The following HCN1 variants were observed in gnomAD, a reference collection of about 807,000 sequenced individuals.
HCN1 encodes potassium/sodium hyperpolarization-activated cyclic nucleotide-gated channel 1.
In HCN1, 13 loss-of-function variants were observed where a neutral mutation model predicts 78.9. The ratio of observed to expected loss-of-function variants is 0.16; its 90% CI spans 0.11 to 0.26. The LOEUF (loss-of-function observed/expected upper bound fraction) is 0.26, where lower values mean the gene tolerates loss of function less well. Among genes scored for constraint, HCN1 ranks in the 10% least tolerant of loss-of-function variants. The pLI is 1.00. For missense variants in HCN1, 810 were observed against 1,154.3 expected (o/e 0.70, Z 4.32); for synonymous variants, 552 against 455.5 (o/e 1.21, Z -2.70).
At chr5:45,474,060 T>A (rs1245568663) in intron 2 of HCN1, among the ~76,000 whole-genome samples, 1 of 151,834 alleles carries the variant, frequency 6.6e-6, no homozygotes, top group Non-Finnish European at 1.5e-5. Context: ...CCTCAAAATG[T>A]TCACTCTCAG....
chr5:45,614,911 CATT>C (rs1365040705), intron 2 of HCN1, among the ~76,000 whole-genome samples: 1 of 150,734 alleles, frequency 6.6e-6, no homozygotes, highest in Non-Finnish European at 1.5e-5. Context: ...TCTATTGGTT[CATT>C]TAGTTGGAAA....
chr5:45,633,881 A>G (rs1745313026), intron 2 of HCN1, among the ~76,000 whole-genome samples: 1 of 151,970 alleles, frequency 6.6e-6, no homozygotes, highest in Non-Finnish European at 1.5e-5. Context: ...TGTGCTCACT[A>G]AAAATTTTTT....
chr5:45,522,445 C>T (rs1742633927), intron 2 of HCN1, among the ~76,000 whole-genome samples: 1 of 152,008 alleles, frequency 6.6e-6, no homozygotes, highest in Admixed American at 6.6e-5. Flanking sequence ...CCCTCAGCAT[C>T]AATCTCAACA....
intron 1 of HCN1, among the ~76,000 whole-genome samples, chr5:45,654,722 A>G (rs1036945673): frequency 6.6e-6 from 1 of 152,146 alleles, no homozygotes; most frequent in African/African-American, 2.4e-5. Context: ...ACTGTGAGTT[A>G]CAGACAGTTT....
chr5:45,315,482 C>T (rs1245273361), intron 5 of HCN1, among the ~76,000 whole-genome samples: 1 of 152,032 alleles, frequency 6.6e-6, no homozygotes, highest in Non-Finnish European at 1.5e-5. Flanking sequence ...AAAATTGACA[C>T]CCTAACATCA....
chr5:45,389,490 C>T (rs1019408197), intron 4 of HCN1, among the ~76,000 whole-genome samples: 41 of 152,118 alleles, frequency 2.7e-4, no homozygotes, highest in African/African-American at 9.9e-4. Context: ...CCTAACCCCA[C>T]CCACTATATT....
At chr5:45,543,845 G>T (rs1743152306) in intron 2 of HCN1, among the ~76,000 whole-genome samples, 1 of 151,982 alleles carries the variant, frequency 6.6e-6, no homozygotes, top group African/African-American at 2.4e-5. Flanking sequence ...TAGAGATACT[G>T]CATATTATGC....
At chr5:45,630,531 T>C (rs1429977823) in intron 2 of HCN1, among the ~76,000 whole-genome samples, 1 of 152,196 alleles carries the variant, frequency 6.6e-6, no homozygotes, top group African/African-American at 2.4e-5. Context: ...TTCAAAGATT[T>C]CTTATTGTCC....
intron 1 of HCN1, among the ~76,000 whole-genome samples, chr5:45,682,023 G>A (rs977416875): frequency 6.6e-6 from 1 of 151,830 alleles, no homozygotes; most frequent in Non-Finnish European, 1.5e-5. Flanking sequence ...CTTCATGAAT[G>A]GGTTTGGTGC....
chr5:45,398,143 C>T (rs1739720384), intron 3 of HCN1, among the ~76,000 whole-genome samples: 1 of 151,870 alleles, frequency 6.6e-6, no homozygotes, highest in African/African-American at 2.4e-5. Context: ...TTTCATAGAA[C>T]AACTTTTCAA....
chr5:45,437,790 A>G (rs1443069488), intron 3 of HCN1, among the ~76,000 whole-genome samples: 1 of 152,228 alleles, frequency 6.6e-6, no homozygotes, highest in East Asian at 1.9e-4. Flanking sequence ...AGAATACTTT[A>G]TTATTTCTTA....
intron 4 of HCN1, among the ~76,000 whole-genome samples, chr5:45,353,601 ATTGT>A (rs1376412704): frequency 6.6e-6 from 1 of 151,968 alleles, no homozygotes; most frequent in African/African-American, 2.4e-5. Flanking sequence ...GAAGTATGAA[ATTGT>A]TTGGCTGTCG....
intron 5 of HCN1, among the ~76,000 whole-genome samples, chr5:45,307,325 C>T (rs1163229461): frequency 2.0e-5 from 3 of 152,014 alleles, no homozygotes; most frequent in African/African-American, 7.2e-5. Flanking sequence ...AGAATAATTA[C>T]CAAACCCTTA....
intron 2 of HCN1, among the ~76,000 whole-genome samples, chr5:45,495,530 A>G (rs1165109088): frequency 6.6e-6 from 1 of 152,118 alleles, no homozygotes; most frequent in Admixed American, 6.5e-5. Context: ...TAGATATACA[A>G]TCACGTCGTC....
intron 6 of HCN1, among the ~76,000 whole-genome samples, chr5:45,291,496 T>C (rs577071662): frequency 6.6e-6 from 1 of 152,192 alleles, no homozygotes; most frequent in South Asian, 2.1e-4. Context: ...TTCCCCATGC[T>C]GATAACGTTT....
rs1462630974 is a variant in HCN1 at position 45,645,362 on chromosome 5, A to G, written c.672T>C (p.Val224=). 6.2e-7 allele frequency: 1 copy of G among 1,613,652 alleles called. No individual in the cohort carries two copies. The highest frequency in any genetic ancestry group is 1.7e-5 in the Admixed American group (1 of 59,872). ...KMNYLKSWFV[V]DFISSIPVDY... is the part of the protein sequence containing the mutation. Reference sequence around the variant, plus strand: ...CCACTGGGATGGATGAGATGAAGTCAACCACAAACCAGCTTTTTAAATAAT... The same window carrying G: ...CCACTGGGATGGATGAGATGAAGTCGACCACAAACCAGCTTTTTAAATAAT... The change falls in exon 2 of 8, where the codon GTT becomes GTC. Residue 224 remains valine (V), a synonymous_variant. Transcript: ENST00000303230.
At chr5:45,427,206 C>T (rs1021026644) in intron 3 of HCN1, among the ~76,000 whole-genome samples, 1 of 151,878 alleles carries the variant, frequency 6.6e-6, no homozygotes. Flanking sequence ...TTCTTACAAG[C>T]TGCTTGTTTC....
chr5:45,302,146 G>A (rs889955529), intron 6 of HCN1, among the ~76,000 whole-genome samples: 1 of 152,026 alleles, frequency 6.6e-6, no homozygotes, highest in African/African-American at 2.4e-5. Flanking sequence ...TTGGCTCTAT[G>A]TCCCCCCAAC....
At chr5:45,596,841 T>A (rs1197954275) in intron 2 of HCN1, among the ~76,000 whole-genome samples, 3 of 152,224 alleles carry the variant, frequency 2.0e-5, no homozygotes, top group Non-Finnish European at 4.4e-5. Flanking sequence ...AGAACTTTTG[T>A]ATTATCCAAA....
Sources: gnomAD v4.1 joint callset for allele counts (sites outside exome capture counted in the v4.1 genomes callset) on GRCh38, gnomAD v4.1.1 for gene constraint, MANE v1.5 for transcripts, NCBI Gene and HGNC (gene_info 2026-07-23, HGNC 2026-07-21) for gene names.